The following ZNF780A variants were observed in gnomAD, a reference collection of about 807,000 sequenced individuals.
ZNF780A encodes zinc finger protein 780A.
In ZNF780A, 40 loss-of-function variants were observed where a neutral mutation model predicts 56.7. The observed-to-expected ratio is 0.71, with a 90% CI of 0.55 to 0.92. The LOEUF is 0.92. ZNF780A is among the 40% of genes least tolerant of loss of function. The pLI is 0.00. For missense variants in ZNF780A, 672 were observed against 783.3 expected (o/e 0.86, Z 1.70); for synonymous variants, 231 against 248.3 (o/e 0.93, Z 0.66).
intron 5 of ZNF780A, among the ~76,000 whole-genome samples, chr19:40,081,277 A>G: frequency 6.6e-6 from 1 of 152,040 alleles, no homozygotes. Context: ...TCACACCTGT[A>G]ATCCCAGGGC....
At chr19:40,069,372 G>C (rs1234282886), downstream of ZNF780A, 1 of 152,162 alleles carries the variant, frequency 6.6e-6, no homozygotes, top group African/African-American at 2.4e-5. Context: ...AAAATTAACA[G>C]AGCGATAGCT....
chr19:40,078,740 C>T (rs1974299739), intron 5 of ZNF780A, among the ~76,000 whole-genome samples: 1 of 152,116 alleles, frequency 6.6e-6, no homozygotes, highest in Non-Finnish European at 1.5e-5. Context: ...AAGCTGAGGG[C>T]AGACCAGCTC....
In ZNF780A at chr19:40,083,194, T is replaced by G. The variant is rs1164729525; in HGVS notation, c.53A>C (p.Glu18Ala). Residue 18 changes from glutamate (E) to alanine (A), a missense_variant, in exon 4 of 6, where the codon GAG (glutamate) becomes GCG (alanine). Glu to Ala is a moderately radical substitution (Grantham distance 107). Coordinates refer to ENST00000683561, the MANE Select transcript of ZNF780A (RefSeq NM_001142578.2). ...FRDVAIDFSQ[E>A]EWECLQPDQR... ...ATCAGGCTGCAGGCACTCCCACTCCTCCTGAGAGAAGTCAATGGCCACATC... is the reference window on the plus strand; with the variant it reads ...ATCAGGCTGCAGGCACTCCCACTCCGCCTGAGAGAAGTCAATGGCCACATC... 1 of 1,614,176 alleles carries G rather than the reference T, an allele frequency of 6.2e-7. No homozygotes were observed. The highest frequency in any genetic ancestry group is 1.1e-5 in the South Asian group (1 of 91,080).
At chr19:40,072,519 T>C (rs1973864098), downstream of ZNF780A, 1 of 178,452 alleles carries the variant, frequency 5.6e-6, no homozygotes, top group Admixed American at 6.2e-5. Context: ...CAATCATCTA[T>C]TGCCTGAGAG....
chr19:40,083,192 C>A lies in ZNF780A; in HGVS notation c.55G>T (p.Glu19Ter), dbSNP rs376786217. 6.2e-6 allele frequency: 10 copies of A among 1,614,198 alleles called. No homozygotes were observed. Among genetic ancestry groups the A allele is most frequent in the Non-Finnish European group, 8.5e-6 (10 of 1,180,042 alleles). Residue 19 changes from glutamate to a stop codon, truncating the protein, a stop_gained, in exon 4 of 6, where the codon GAG (glutamate) becomes TAG (stop). Transcript: ENST00000683561. LOFTEE classifies it high-confidence loss of function. ...TGATCAGGCTGCAGGCACTCCCACT[C>A]CTCCTGAGAGAAGTCAATGGCCACA... ...RDVAIDFSQE[E>*]WECLQPDQRT...
In ZNF780A at chr19:40,074,275, T is replaced by C; in HGVS notation, c.*241A>G. 6.7e-7 allele frequency: 1 copy of C among 1,483,964 alleles called. No homozygotes were observed. The highest frequency in any genetic ancestry group is 2.4e-5 in the East Asian group (1 of 42,392). The allele number at this position is 1,483,964 out of a possible 1,614,324, so 91.9% of individuals were successfully genotyped here. ...CCACATTCTTTACATTCAAAGGGTT[T>C]TTTACCAGTGTGAATTTGGTAATGT... is the stretch of plus-strand genomic sequence containing the variant. On this transcript the variant is annotated 3_prime_UTR_variant, in exon 6 of 6. Coordinates refer to ENST00000683561, the MANE Select transcript of ZNF780A (RefSeq NM_001142578.2).
At chr19:40,079,464 A>G (rs1974350649) in intron 5 of ZNF780A, among the ~76,000 whole-genome samples, 1 of 152,200 alleles carries the variant, frequency 6.6e-6, no homozygotes, top group African/African-American at 2.4e-5. Flanking sequence ...GAAACATTGG[A>G]TTTAAACTTC....
Position 40,075,636 on chromosome 19 carries a change from C to T in ZNF780A, c.806G>A (p.Ser269Asn), listed in dbSNP as rs745938854. Residue 269 changes from serine to asparagine, a missense_variant, in exon 6 of 6, where the codon AGT (serine) becomes AAT (asparagine). Coordinates refer to ENST00000683561, the MANE Select transcript of ZNF780A (RefSeq NM_001142578.2). ...NRSSNLVQHQ[S>N]IHSGVKPYEC... ...ATATGGTTTTACACCAGAATGAATA[C>T]TCTGATGTTGAACAAGGTTTGAGCT... The T allele has an allele frequency of 5.0e-6, 8 of 1,613,706 alleles. No homozygotes were observed. Among genetic ancestry groups the T allele is most frequent in the South Asian group, 1.1e-5 (1 of 91,050 alleles).
At chr19:40,084,899 C>T (rs546597713) in intron 2 of ZNF780A, 101 bp from the exon 3 acceptor site, 5 of 1,354,760 alleles carry the variant, frequency 3.7e-6, no homozygotes, top group African/African-American at 2.9e-5. Flanking sequence ...CTCCTGCTAA[C>T]ACGCACACTT....
chr19:40,080,884 C>G (rs1974435139), intron 5 of ZNF780A, among the ~76,000 whole-genome samples: 1 of 151,936 alleles, frequency 6.6e-6, no homozygotes, highest in African/African-American at 2.4e-5. Flanking sequence ...AACTGGATAT[C>G]CGTATGTGAT....
chr19:40,080,304 G>T (rs920189800), intron 5 of ZNF780A, among the ~76,000 whole-genome samples: 1 of 152,056 alleles, frequency 6.6e-6, no homozygotes, highest in African/African-American at 2.4e-5. Flanking sequence ...TATGGAGCTG[G>T]CATACCATGA....
intron 4 of ZNF780A, among the ~76,000 whole-genome samples, chr19:40,082,136 A>T (rs896685270): frequency 1.3e-5 from 2 of 152,136 alleles, no homozygotes; most frequent in African/African-American, 4.8e-5. Context: ...GAAAAGAGGT[A>T]TAACTGAATG....
chr19:40,077,097 G>A (rs1215970112), intron 5 of ZNF780A, among the ~76,000 whole-genome samples: 1 of 152,008 alleles, frequency 6.6e-6, no homozygotes, highest in Non-Finnish European at 1.5e-5. Context: ...GAATCAACGT[G>A]CCTAGACACA....
At position 40,089,383 on chromosome 19, in the gene ZNF780A, G is replaced by A. The variant is rs1926932; in HGVS notation, c.-46+783C>T. The A allele has an allele frequency of 1.4e-5, 15 of 1,091,230 alleles. 1 individual carries two copies. The East Asian group carries it at 2.0e-4, about 14-fold the overall frequency. 67.6% of individuals were successfully genotyped at this position (1,091,230 alleles called of 1,614,324 possible). On this transcript the variant is annotated intron_variant, in intron 2 of 5. Coordinates refer to ENST00000683561, the MANE Select transcript of ZNF780A (RefSeq NM_001142578.2). ...TTTTCTTAATATACAACCAGCAGTCGCAATGAATCACATATTCCCAATGCT... is the reference window on the plus strand; with the variant it reads ...TTTTCTTAATATACAACCAGCAGTCACAATGAATCACATATTCCCAATGCT...
rs1280180716 is a variant in ZNF780A at position 40,074,782 on chromosome 19, T to C, written c.1660A>G (p.Lys554Glu). ...CATTCCTTACATTCAAAGGGTTTCTTTCCAGTATGAATACTTCGATGTTGA... is the reference window on the plus strand; with the variant it reads ...CATTCCTTACATTCAAAGGGTTTCTCTCCAGTATGAATACTTCGATGTTGA... ...LNQHRSIHTGKKPFECKECGK... is the reference protein window; with the variant it reads ...LNQHRSIHTGEKPFECKECGK... Residue 554 changes from lysine (K) to glutamate (E), a missense_variant, in exon 6 of 6, where the codon AAG becomes GAG. By Grantham distance (56) the Lys-to-Glu change is moderately conservative. Transcript: ENST00000683561. The C allele has an allele frequency of 1.2e-6, 2 of 1,613,696 alleles. No individual in the cohort carries two copies. Among genetic ancestry groups the C allele is most frequent in the Admixed American group, 1.7e-5 (1 of 59,992 alleles).
At chr19:40,083,839 C>A (rs1568455728) in intron 3 of ZNF780A, among the ~76,000 whole-genome samples, 1 of 151,650 alleles carries the variant, frequency 6.6e-6, no homozygotes, top group Non-Finnish European at 1.5e-5. Flanking sequence ...CATTTTTTTT[C>A]TATTTATACG....
In ZNF780A at chr19:40,074,364, T is replaced by G. The variant is rs1973950265; in HGVS notation, c.*152A>C. 1 of 1,532,400 alleles carries G rather than the reference T, an allele frequency of 6.5e-7. No individual in the cohort carries two copies. Among genetic ancestry groups the G allele is most frequent in the Non-Finnish European group, 8.7e-7 (1 of 1,144,836 alleles). 94.9% of individuals were successfully genotyped at this position (1,532,400 alleles called of 1,614,324 possible). ...TCCTTGCATACAAAGAGTTTCTCAC[T>G]GGAATGAATTTTCTGATGCTGAATA... On this transcript the variant is annotated 3_prime_UTR_variant, in exon 6 of 6. Transcript: ENST00000683561.
At position 40,073,835 on chromosome 19, in the gene ZNF780A, A is replaced by G. The variant is rs577018480; in HGVS notation, c.*681T>C. 38 of 993,250 alleles carry G rather than the reference A, an allele frequency of 3.8e-5. No homozygotes were observed. In the African/African-American group the frequency reaches 5.9e-4, roughly 16 times the overall value. The allele number at this position is 993,250 out of a possible 1,614,324, so 61.5% of individuals were successfully genotyped here. On this transcript the variant is annotated 3_prime_UTR_variant, in exon 6 of 6. Transcript: ENST00000683561. ...TCGTACACAGTGAAGGCTTGTCCAC[A>G]CTCCTTATTGTCACAAAATTTCTAA...
At chr19:40,076,451 A>G (rs1348836477) in intron 5 of ZNF780A, among the ~76,000 whole-genome samples, 1 of 152,214 alleles carries the variant, frequency 6.6e-6, no homozygotes, top group African/African-American at 2.4e-5. Context: ...GAACCACAGA[A>G]GATTGAACCT....
Sources: allele counts gnomAD v4.1 joint callset (sites outside exome capture counted in the v4.1 genomes callset), GRCh38; gene constraint gnomAD v4.1.1; transcripts MANE v1.5; gene names NCBI Gene and HGNC (gene_info 2026-07-23, HGNC 2026-07-21).